The following ZNF18 variants were observed in gnomAD, a reference collection of about 807,000 sequenced individuals.
The protein encoded by ZNF18 is zinc finger protein 18, also known as heart development-specific gene 1 protein.
In ZNF18, 42 loss-of-function variants were observed where a neutral mutation model predicts 58.1. The ratio of observed to expected loss-of-function variants is 0.72; its 90% CI spans 0.56 to 0.93. ZNF18 has a LOEUF of 0.93. Ranked by LOEUF, ZNF18 falls within the 40% of genes least tolerant of loss-of-function variation. The probability of loss-of-function intolerance (pLI) is 0.00; values close to 1 mark genes in which losing one functional copy is unlikely to be tolerated. For missense variants in ZNF18, 540 were observed against 644.2 expected (o/e 0.84, Z 1.75); for synonymous variants, 231 against 239.8 (o/e 0.96, Z 0.34).
intron 2 of ZNF18, among the ~76,000 whole-genome samples, chr17:11,991,746 T>TG (rs1374757043): frequency 6.6e-6 from 1 of 151,942 alleles, no homozygotes; most frequent in African/African-American, 2.4e-5. Flanking sequence ...AGCTTCAGGA[T>TG]GGGGGCTGGT....
chr17:11,983,368 A>G lies in ZNF18; in HGVS notation c.791T>C (p.Ile264Thr), dbSNP rs144636825. Residue 264 changes from isoleucine (I) to threonine (T), a missense_variant, in exon 6 of 7, where the codon ATA becomes ACA. By Grantham distance (89) the Ile-to-Thr change is moderately conservative. Coordinates refer to ENST00000580306, the MANE Select transcript of ZNF18 (RefSeq NM_001303281.2). ...SHPKSDLTNS[I>T]EFGEELAGIY... The stretch of plus-strand genomic sequence containing the variant: ...TCCTGCCAGCTCTTCCCCAAATTCT[A>G]TTGAATTAGTCAGGTCAGATTTGGG... 2.5e-6 allele frequency: 4 copies of G among 1,613,884 alleles called. No homozygotes were observed. The highest frequency in any genetic ancestry group is 1.1e-5 in the South Asian group (1 of 91,088).
At chr17:12,004,716 G>A in the ZNF18 span, among the ~76,000 whole-genome samples, 1 of 151,910 alleles carries the variant, frequency 6.6e-6, no homozygotes, top group Admixed American at 6.6e-5. Context: ...GAGAAACCAT[G>A]TCTCTACTAA....
At chr17:12,020,155 G>A in the ZNF18 span, among the ~76,000 whole-genome samples, 1 of 152,208 alleles carries the variant, frequency 6.6e-6, no homozygotes, top group Non-Finnish European at 1.5e-5. Flanking sequence ...AATCCAGTGT[G>A]CATTTAGGGG....
the ZNF18 span, among the ~76,000 whole-genome samples, chr17:12,006,986 C>T: frequency 6.6e-6 from 1 of 152,144 alleles, no homozygotes; most frequent in African/African-American, 2.4e-5. Flanking sequence ...AGATAGCTAA[C>T]TACCATTAAT....
chr17:12,014,829 T>C, the ZNF18 span, among the ~76,000 whole-genome samples: 1 of 152,086 alleles, frequency 6.6e-6, no homozygotes, highest in African/African-American at 2.4e-5. Context: ...GGCAGGCGGA[T>C]CACAAAGTCA....
At chr17:11,995,392 AG>A (rs1968409021) in intron 1 of ZNF18, among the ~76,000 whole-genome samples, 5 of 151,682 alleles carry the variant, frequency 3.3e-5, no homozygotes, top group Admixed American at 3.3e-4. Context: ...AAAAAAAAAA[AG>A]AAACCCAGGC....
chr17:12,012,307 A>C, the ZNF18 span, among the ~76,000 whole-genome samples: 1 of 152,194 alleles, frequency 6.6e-6, no homozygotes, highest in African/African-American at 2.4e-5. Context: ...TCACTACACA[A>C]AGAGCTTCCT....
At chr17:12,009,197 GA>G in the ZNF18 span, 2 of 151,994 alleles carry the variant, frequency 1.3e-5, no homozygotes, top group African/African-American at 2.4e-5. Context: ...TCACATACCT[GA>G]AAACAGATAT....
intron 4 of ZNF18, among the ~76,000 whole-genome samples, 173 bp from the exon 5 acceptor site, chr17:11,984,370 G>A (rs1211150869): frequency 6.6e-6 from 1 of 152,024 alleles, no homozygotes; most frequent in African/African-American, 2.4e-5. Flanking sequence ...GAGGCCAAAG[G>A]GAAAACAACA....
chr17:11,977,714 G>T lies in ZNF18; in HGVS notation c.*243C>A. The T allele has an allele frequency of 2.2e-6, 1 of 450,678 alleles. No individual in the cohort carries two copies. Among genetic ancestry groups the T allele is most frequent in the African/African-American group, 2.0e-5 (1 of 50,708 alleles). The allele number at this position is 450,678 out of a possible 1,614,324, so 27.9% of individuals were successfully genotyped here. On this transcript the variant is annotated 3_prime_UTR_variant, in exon 7 of 7. Coordinates refer to ENST00000580306, the MANE Select transcript of ZNF18 (RefSeq NM_001303281.2). Reference sequence around the variant, plus strand: ...TTTTTCCCCGATGGGTCCAAAGGAAGGATGAGTGGAAACATGAAGACTATT... The same window carrying T: ...TTTTTCCCCGATGGGTCCAAAGGAATGATGAGTGGAAACATGAAGACTATT...
chr17:11,983,507 T>C, intron 5 of ZNF18, 100 bp from the exon 6 acceptor site: 1 of 878,398 alleles, frequency 1.1e-6, no homozygotes, highest in Non-Finnish European at 1.9e-6. Context: ...AGGGAAAATA[T>C]GAAGGCTCTG....
At position 11,978,219 on chromosome 17, in the gene ZNF18, G is replaced by C. The variant is rs760852623; in HGVS notation, c.1388C>G (p.Pro463Arg). 32 of 1,613,886 alleles carry C rather than the reference G, an allele frequency of 2.0e-5. No individual in the cohort carries two copies. The highest frequency in any genetic ancestry group is 2.7e-5 in the Non-Finnish European group (32 of 1,179,990). ...TTTCCCACAGTAATCACATTTACAG[G>C]GCTTCTCTCCCGTGTGAGTTCTCTG... ...KHQRTHTGEK[P>R]CKCDYCGKGF... The change falls in exon 7 of 7, where the codon CCC (proline) becomes CGC (arginine). Residue 463 changes from proline to arginine, a missense_variant. Coordinates refer to ENST00000580306, the MANE Select transcript of ZNF18 (RefSeq NM_001303281.2).
chr17:11,992,627 T>G lies in ZNF18; in HGVS notation c.203A>C (p.Gln68Pro), dbSNP rs1968200613. Residue 68 changes from glutamine (Q) to proline (P), a missense_variant, in exon 2 of 7, where the codon CAG becomes CCG. By Grantham distance (76) the Gln-to-Pro change is moderately conservative. Coordinates refer to ENST00000580306, the MANE Select transcript of ZNF18 (RefSeq NM_001303281.2). ...GGTGTGAACCTCTGGCTGTAGCCAC[T>G]GGAAACAGAGCTTCCGAAGTTGCTT... is the stretch of plus-strand genomic sequence containing the variant. ...TLKQLRKLCF[Q>P]WLQPEVHTKE... 1 of 1,614,136 alleles carries G rather than the reference T, an allele frequency of 6.2e-7. No individual in the cohort carries two copies. The highest frequency in any genetic ancestry group is 1.7e-5 in the Admixed American group (1 of 60,008).
At chr17:12,015,872 C>G in the ZNF18 span, among the ~76,000 whole-genome samples, 2 of 152,084 alleles carry the variant, frequency 1.3e-5, no homozygotes, top group South Asian at 4.1e-4. Context: ...CACTGCAACC[C>G]CTGGCTCCCG....
At position 11,978,161 on chromosome 17, in the gene ZNF18, G is replaced by A. The variant is rs754736146; in HGVS notation, c.1446C>T (p.His482=). Residue 482 remains histidine, a synonymous_variant, in exon 7 of 7, where the codon CAC becomes CAT. Transcript: ENST00000580306. ...GFSDFSGLRH[H]EKIHTGEKPY... ...GTTTCTCTCCTGTGTGGATTTTCTC[G>A]TGGTGGCGCAATCCTGAGAAGTCAC... 1.2e-5 allele frequency: 20 copies of A among 1,613,924 alleles called. No individual in the cohort carries two copies. In the East Asian group the frequency reaches 1.3e-4, roughly 11 times the overall value.
Position 11,977,746 on chromosome 17 carries a change from C to A in ZNF18, c.*211G>T. 1.9e-6 allele frequency: 1 copy of A among 534,396 alleles called. No homozygotes were observed. The highest frequency in any genetic ancestry group is 3.2e-6 in the Non-Finnish European group (1 of 317,002). 33.1% of individuals were successfully genotyped at this position (534,396 alleles called of 1,614,324 possible). Reference sequence around the variant, plus strand: ...TGGAAACATGAAGACTATTCTTTCTCCTGAGGCAGAATCAAGAATTTAAGC... The same window carrying A: ...TGGAAACATGAAGACTATTCTTTCTACTGAGGCAGAATCAAGAATTTAAGC... On this transcript the variant is annotated 3_prime_UTR_variant, in exon 7 of 7. Coordinates refer to ENST00000580306, the MANE Select transcript of ZNF18 (RefSeq NM_001303281.2).
At chr17:11,994,749 G>A (rs1240335375) in intron 1 of ZNF18, among the ~76,000 whole-genome samples, 2 of 152,144 alleles carry the variant, frequency 1.3e-5, no homozygotes, top group African/African-American at 2.4e-5. Context: ...GCTGAGGCAG[G>A]AGAATGGCAT....
chr17:11,978,779 T>C lies in ZNF18; in HGVS notation c.863-35A>G, dbSNP rs754421899. 13 of 1,388,810 alleles carry C rather than the reference T, an allele frequency of 9.4e-6. No individual in the cohort carries two copies. In the Admixed American group the frequency reaches 2.3e-4, roughly 24 times the overall value. The allele number at this position is 1,388,810 out of a possible 1,614,324, so 86.0% of individuals were successfully genotyped here. A position where few individuals can be genotyped will look rare whatever the true frequency, so the allele number is the denominator to read the frequency against. ...GAAAGAAGATTTGAAATGGTTCAAG[T>C]GCTATGCCCTGTTTTCTAACTCATA... On this transcript the variant is annotated intron_variant, in intron 6 of 6. Transcript: ENST00000580306.
At chr17:11,986,890 C>G (rs920622654) in intron 4 of ZNF18, among the ~76,000 whole-genome samples, 1 of 152,176 alleles carries the variant, frequency 6.6e-6, no homozygotes, top group Non-Finnish European at 1.5e-5. Context: ...CCCCAAGGGT[C>G]AAAATCAGCT....
Sources: allele counts gnomAD v4.1 joint callset (sites outside exome capture counted in the v4.1 genomes callset), GRCh38; gene constraint gnomAD v4.1.1; transcripts MANE v1.5; gene names NCBI Gene and HGNC (gene_info 2026-07-23, HGNC 2026-07-21).